The following CFDP1 variants were observed in gnomAD, a reference collection of about 807,000 sequenced individuals.
CFDP1 encodes chromatin remodeling protein CFDP1.
CFDP1 carries 31 observed loss-of-function variants against 40.1 expected under a neutral mutation model. The ratio of observed to expected loss-of-function variants is 0.77; its 90% confidence interval spans 0.58 to 1.04. CFDP1 has a LOEUF of 1.04. Among genes scored for constraint, CFDP1 ranks in the 50% least tolerant of loss-of-function variants. The pLI is 0.00. For synonymous variants in CFDP1, 167 were observed against 120.0 expected, an observed-to-expected ratio of 1.39 and a Z score of -2.56; for missense variants, 423 against 343.4, an observed-to-expected ratio of 1.23 and a Z score of -1.83.
chr16:75,307,318 C>T (rs1417177795), intron 5 of CFDP1, among the ~76,000 whole-genome samples: 1 of 152,040 alleles, frequency 6.6e-6, no homozygotes, highest in Non-Finnish European at 1.5e-5. Context: ...CGGGTTCAAG[C>T]GATTCTCCTG....
chr16:75,348,212 C>G (rs1396499609), intron 5 of CFDP1, among the ~76,000 whole-genome samples: 1 of 152,156 alleles, frequency 6.6e-6, no homozygotes, highest in Non-Finnish European at 1.5e-5. Flanking sequence ...CACACTGCAA[C>G]TTCAAACTTC....
chr16:75,381,400 T>G (rs2078850855), intron 5 of CFDP1: 1 of 152,016 alleles, frequency 6.6e-6, no homozygotes, highest in South Asian at 2.1e-4. Context: ...GGGATATGAA[T>G]GAATACTTAC....
chr16:75,362,678 C>T (rs917003437), intron 5 of CFDP1, among the ~76,000 whole-genome samples: 7 of 151,940 alleles, frequency 4.6e-5, no homozygotes, highest in African/African-American at 1.7e-4. Context: ...AAAAGCAAGC[C>T]TAAGTTAAAG....
At chr16:75,316,999 TA>T (rs2034126971) in intron 5 of CFDP1, among the ~76,000 whole-genome samples, 1 of 151,590 alleles carries the variant, frequency 6.6e-6, no homozygotes, top group Non-Finnish European at 1.5e-5. Context: ...AGATAATAAA[TA>T]AATAAATAAA....
At chr16:75,324,417 T>G (rs1016777953) in intron 5 of CFDP1, among the ~76,000 whole-genome samples, 4 of 152,086 alleles carry the variant, frequency 2.6e-5, no homozygotes, top group African/African-American at 9.7e-5. Context: ...TGAAAAAAAC[T>G]CACTCTAGAA....
At chr16:75,360,203 G>A (rs76888605) in intron 5 of CFDP1, among the ~76,000 whole-genome samples, 1,864 of 152,188 alleles carry the variant, frequency 0.012, 34 homozygotes, top group African/African-American at 0.043. Flanking sequence ...CCAGATTTTG[G>A]TTTCTAATAT....
chr16:75,398,553 CTCTG>C lies in CFDP1; in HGVS notation c.531-3348_531-3345del, dbSNP rs202192123. ...ACCTGGCATGCTTCCACCTGGCATG[CTCTG>C]TCTGTCTGTCTGTCCCTGTGTCTGT... On this transcript the variant is annotated intron_variant, in intron 4 of 6. Transcript: ENST00000283882. Among the ~76,000 whole-genome samples the C allele has an allele frequency of 7.1e-3, 1,075 of 152,286 alleles. 12 individuals are homozygous for C. Among genetic ancestry groups the C allele is most frequent in the Middle Eastern group, 0.017 (5 of 294 alleles).
At chr16:75,424,608 A>AGCGGGCGTGGTG (rs1212129064) in intron 1 of CFDP1, among the ~76,000 whole-genome samples, 1 of 151,954 alleles carries the variant, frequency 6.6e-6, no homozygotes, top group East Asian at 1.9e-4. Context: ...ACAAAAACTT[A>AGCGGGCGTGGTG]GCGGGCGTGG....
intron 6 of CFDP1, among the ~76,000 whole-genome samples, chr16:75,303,400 A>AATGAATGTATGTATGT (rs55834001): frequency 1.5e-3 from 215 of 146,222 alleles, no homozygotes; most frequent in Admixed American, 3.9e-3. Context: ...TAAATAAATA[A>AATGAATGTATGTATGT]ATGTATGTAT....
At chr16:75,400,620 C>G (rs1282807216) in intron 4 of CFDP1, among the ~76,000 whole-genome samples, 1 of 152,128 alleles carries the variant, frequency 6.6e-6, no homozygotes, top group Non-Finnish European at 1.5e-5. Context: ...AAATGAAAAC[C>G]ACGGAAGTTC....
chr16:75,371,228 C>T (rs1294521516), intron 5 of CFDP1, among the ~76,000 whole-genome samples: 1 of 152,206 alleles, frequency 6.6e-6, no homozygotes, highest in Non-Finnish European at 1.5e-5. Flanking sequence ...AGTAGCATCC[C>T]CTGCCTTGCC....
intron 4 of CFDP1, among the ~76,000 whole-genome samples, chr16:75,395,480 G>A (rs2151564826): frequency 6.6e-6 from 1 of 152,038 alleles, no homozygotes; most frequent in Middle Eastern, 3.4e-3. Flanking sequence ...CCAACATGGT[G>A]AAATCCCGTC....
At chr16:75,337,434 C>G (rs2078497197) in intron 5 of CFDP1, among the ~76,000 whole-genome samples, 1 of 152,218 alleles carries the variant, frequency 6.6e-6, no homozygotes, top group Non-Finnish European at 1.5e-5. Flanking sequence ...GACCTTTGCC[C>G]CTCCTTATTG....
At chr16:75,365,511 G>A (rs980215624) in intron 5 of CFDP1, among the ~76,000 whole-genome samples, 1 of 152,180 alleles carries the variant, frequency 6.6e-6, no homozygotes, top group African/African-American at 2.4e-5. Context: ...ACAGTACTAA[G>A]TCTGGCTGTC....
intron 4 of CFDP1, among the ~76,000 whole-genome samples, chr16:75,410,500 A>G (rs918409504): frequency 3.3e-5 from 5 of 152,162 alleles, no homozygotes; most frequent in Non-Finnish European, 7.3e-5. Context: ...GAGGCCGGGG[A>G]CAGTGGCTCA....
chr16:75,341,124 C>T (rs2078523698), intron 5 of CFDP1, among the ~76,000 whole-genome samples: 1 of 152,200 alleles, frequency 6.6e-6, no homozygotes, highest in East Asian at 1.9e-4. Flanking sequence ...TCTTCCCTCT[C>T]CAGTTAATTA....
At chr16:75,382,182 T>TA (rs1015456496) in intron 5 of CFDP1, among the ~76,000 whole-genome samples, 30 of 151,326 alleles carry the variant, frequency 2.0e-4, no homozygotes, top group African/African-American at 6.1e-4. Flanking sequence ...TATTCTGAGA[T>TA]AGAGTACCAT....
chr16:75,412,465 G>A (rs1184351656), intron 3 of CFDP1, 70 bp downstream of exon 3: 23 of 1,215,678 alleles, frequency 1.9e-5, no homozygotes, highest in Admixed American at 5.4e-5. Flanking sequence ...GTCGATTTCC[G>A]TAGGCTTCAA....
intron 5 of CFDP1, among the ~76,000 whole-genome samples, chr16:75,388,079 G>C (rs1597374231): frequency 6.6e-6 from 1 of 152,172 alleles, no homozygotes; most frequent in East Asian, 1.9e-4. Context: ...GAGAGCCCAG[G>C]CTTTGGTCTC....
Sources: gnomAD v4.1 joint callset for allele counts (sites outside exome capture counted in the v4.1 genomes callset) on GRCh38, gnomAD v4.1.1 for gene constraint, MANE v1.5 for transcripts, NCBI Gene and HGNC (gene_info 2026-07-23, HGNC 2026-07-21) for gene names.